HS6ST1: variants seen among roughly 807,000 people sequenced by gnomAD.
The protein encoded by HS6ST1 is heparan-sulfate 6-O-sulfotransferase 1.
A neutral mutation model predicts 25.2 loss-of-function variants in HS6ST1; 3 were observed. The observed-to-expected ratio is 0.12, with a 90% CI of 0.05 to 0.31. The LOEUF is 0.31. Among genes scored for constraint, HS6ST1 ranks in the 10% least tolerant of loss-of-function variants. The pLI is 1.00. For missense variants in HS6ST1, 310 were observed against 609.6 expected, an observed-to-expected ratio of 0.51 and a Z score of 5.18; for synonymous variants, 204 against 275.1, an observed-to-expected ratio of 0.74 and a Z score of 2.56.
At chr2:128,293,636 G>GTCAGAGGA (rs1693993107) in intron 1 of HS6ST1, among the ~76,000 whole-genome samples, 2 of 152,228 alleles carry the variant, frequency 1.3e-5, no homozygotes, top group South Asian at 4.1e-4. Flanking sequence ...AGGGCCCGGA[G>GTCAGAGGA]TCAGAGGAGG....
chr2:128,294,671 CGTGTGTGTGTGTGTGTGT>C (rs56059401), intron 1 of HS6ST1, among the ~76,000 whole-genome samples: 202 of 136,144 alleles, frequency 1.5e-3, no homozygotes, highest in African/African-American at 5.2e-3. Flanking sequence ...AGAAGGGAGG[CGTGTGTGTGTGTGTGTGT>C]GTGTGTGTGT....
chr2:128,273,413 T>C (rs1339641219), intron 1 of HS6ST1, among the ~76,000 whole-genome samples: 2 of 152,236 alleles, frequency 1.3e-5, no homozygotes, highest in African/African-American at 4.8e-5. Flanking sequence ...TGCCCCTTTC[T>C]GCAGATGTGA....
At chr2:128,300,894 C>T (rs1315004334) in intron 1 of HS6ST1, among the ~76,000 whole-genome samples, 1 of 152,252 alleles carries the variant, frequency 6.6e-6, no homozygotes, top group Non-Finnish European at 1.5e-5. Flanking sequence ...CAAGGGAGAG[C>T]CGCCACCGTG....
intron 1 of HS6ST1, among the ~76,000 whole-genome samples, chr2:128,277,942 G>A (rs1312423586): frequency 6.6e-6 from 1 of 152,236 alleles, no homozygotes; most frequent in Admixed American, 6.5e-5. Flanking sequence ...ACATTTTTCT[G>A]GGCACTGGTT....
At chr2:128,308,932 C>T (rs528471784) in intron 1 of HS6ST1, among the ~76,000 whole-genome samples, 3 of 152,334 alleles carry the variant, frequency 2.0e-5, no homozygotes, top group Admixed American at 2.0e-4. Flanking sequence ...ATTCTAGCCT[C>T]TTATAGTACA....
intron 1 of HS6ST1, among the ~76,000 whole-genome samples, chr2:128,288,681 AAAC>A (rs1693904211): frequency 7.5e-6 from 1 of 132,640 alleles, no homozygotes; most frequent in African/African-American, 3.1e-5. Context: ...ATGTATTAGA[AAAC>A]AAACAAACAA....
intron 1 of HS6ST1, among the ~76,000 whole-genome samples, chr2:128,282,478 C>A (rs554930111): frequency 6.6e-6 from 1 of 152,342 alleles, no homozygotes; most frequent in Non-Finnish European, 1.5e-5. Context: ...TGGTTGAAAA[C>A]GCTGCGGGTG....
At chr2:128,276,606 G>C (rs2104914391) in intron 1 of HS6ST1, among the ~76,000 whole-genome samples, 1 of 152,322 alleles carries the variant, frequency 6.6e-6, no homozygotes, top group South Asian at 2.1e-4. Flanking sequence ...GTTATCCTAT[G>C]TACATTATGC....
chr2:128,307,617 A>G (rs1192450983), intron 1 of HS6ST1, among the ~76,000 whole-genome samples: 1 of 152,220 alleles, frequency 6.6e-6, no homozygotes, highest in Non-Finnish European at 1.5e-5. Flanking sequence ...AACAGGCCAA[A>G]GACGTGAACA....
intron 1 of HS6ST1, among the ~76,000 whole-genome samples, chr2:128,315,375 CG>C (rs1694346182): frequency 6.6e-6 from 1 of 152,176 alleles, no homozygotes; most frequent in Admixed American, 6.5e-5. Flanking sequence ...ACCTCTCTTA[CG>C]CGCACCACAG....
At chr2:128,304,909 T>G (rs1318073645) in intron 1 of HS6ST1, among the ~76,000 whole-genome samples, 2 of 152,186 alleles carry the variant, frequency 1.3e-5, no homozygotes, top group Non-Finnish European at 2.9e-5. Flanking sequence ...CACACACACT[T>G]GCAGGCCATC....
intron 1 of HS6ST1, among the ~76,000 whole-genome samples, chr2:128,275,605 G>A (rs1212396663): frequency 2.0e-5 from 3 of 152,210 alleles, no homozygotes; most frequent in Admixed American, 6.5e-5. Context: ...CCAACAAAGT[G>A]TATGGAAAGA....
At chr2:128,315,780 C>T (rs539292633) in intron 1 of HS6ST1, among the ~76,000 whole-genome samples, 1 of 152,288 alleles carries the variant, frequency 6.6e-6, no homozygotes, top group African/African-American at 2.4e-5. Flanking sequence ...GCAGCTTGGC[C>T]CTGCGAGCAC....
At chr2:128,298,946 G>A (rs1694080445) in intron 1 of HS6ST1, among the ~76,000 whole-genome samples, 1 of 152,246 alleles carries the variant, frequency 6.6e-6, no homozygotes. Flanking sequence ...GCCCACCAGT[G>A]GGGCTGGCCC....
intron 1 of HS6ST1, among the ~76,000 whole-genome samples, chr2:128,298,640 C>T (rs937851646): frequency 6.6e-6 from 1 of 151,992 alleles, no homozygotes; most frequent in South Asian, 2.1e-4. Context: ...GGATGGACGG[C>T]GTGAGAGGCT....
intron 1 of HS6ST1, among the ~76,000 whole-genome samples, chr2:128,273,514 G>A (rs1023996150): frequency 6.6e-6 from 1 of 152,206 alleles, no homozygotes; most frequent in Non-Finnish European, 1.5e-5. Flanking sequence ...TACCTGGCAC[G>A]CCCCTCCATA....
At chr2:128,306,585 C>T (rs1346691196) in intron 1 of HS6ST1, among the ~76,000 whole-genome samples, 1 of 152,228 alleles carries the variant, frequency 6.6e-6, no homozygotes, top group African/African-American at 2.4e-5. Context: ...TTCCTGCAAG[C>T]CCTGCAGCAG....
intron 1 of HS6ST1, 86 bp downstream of exon 1, chr2:128,317,951 C>T (rs1694399066): frequency 3.0e-6 from 4 of 1,339,488 alleles, no homozygotes; most frequent in Non-Finnish European, 1.9e-6. Flanking sequence ...GTAGGGAAGG[C>T]AGGGCCGACC....
chr2:128,318,691 A>C lies in HS6ST1; in HGVS notation c.-128T>G, dbSNP rs1182533709. The C allele has an allele frequency of 4.5e-5, 7 of 156,066 alleles. No homozygotes were observed. The highest frequency in any genetic ancestry group is 4.1e-4 in the Admixed American group (6 of 14,620). The allele number at this position is 156,066 out of a possible 1,614,324, so 9.7% of individuals were successfully genotyped here. ...GCTACTCGGCGCCCAGGCCGCCCGCAGCGGCGCGGGCCCCGACCCTCCGCG... is the reference window on the plus strand; with the variant it reads ...GCTACTCGGCGCCCAGGCCGCCCGCCGCGGCGCGGGCCCCGACCCTCCGCG... On this transcript the variant is annotated 5_prime_UTR_variant, in exon 1 of 2. Transcript: ENST00000259241. The surrounding 1 kb of genome is among the most constrained non-coding windows in gnomAD (Gnocchi z 5.7).
Sources: gnomAD v4.1 joint callset for allele counts (sites outside exome capture counted in the v4.1 genomes callset) on GRCh38, gnomAD v4.1.1 for gene constraint, Gnocchi (gnomAD v3.1) non-coding constraint, MANE v1.5 for transcripts, NCBI Gene and HGNC (gene_info 2026-07-23, HGNC 2026-07-21) for gene names.